NTN1: variants seen among roughly 807,000 people sequenced by gnomAD.
NTN1 encodes netrin 1.
A neutral mutation model predicts 54.2 loss-of-function variants in NTN1; 11 were observed. The ratio of observed to expected loss-of-function variants is 0.20; its 90% CI spans 0.13 to 0.34. NTN1 has a LOEUF of 0.34. Ranked by LOEUF, NTN1 falls within the 10% of genes least tolerant of loss-of-function variation. NTN1 has a pLI of 1.00. For missense variants in NTN1, 740 were observed against 893.1 expected, an observed-to-expected ratio of 0.83 and a Z score of 2.18; for synonymous variants, 371 against 382.0, an observed-to-expected ratio of 0.97 and a Z score of 0.33.
In NTN1 at chr17:9,162,794, T is replaced by C. The variant is rs2092361243; in HGVS notation, c.1019-19T>C. On this transcript the variant is annotated intron_variant, in intron 2 of 6. Coordinates refer to ENST00000173229, the MANE Select transcript of NTN1 (RefSeq NM_004822.3). ...CCCGCGCCCCTGCGGCTGACACCTC[T>C]CTCTGTCTCCCCCTGCAGCCTGTAA... 1.9e-6 allele frequency: 3 copies of C among 1,593,444 alleles called. No individual in the cohort carries two copies. The highest frequency in any genetic ancestry group is 2.6e-6 in the Non-Finnish European group (3 of 1,164,206).
intron 6 of NTN1, among the ~76,000 whole-genome samples, chr17:9,235,670 G>A (rs909035608): frequency 6.6e-6 from 1 of 152,036 alleles, no homozygotes; most frequent in Admixed American, 6.5e-5. Flanking sequence ...CAGAAATGCT[G>A]CCTTCTTGCT....
intron 2 of NTN1, among the ~76,000 whole-genome samples, chr17:9,149,229 C>T (rs1042876538): frequency 4.7e-5 from 7 of 149,622 alleles, no homozygotes; most frequent in Non-Finnish European, 1.0e-4. Context: ...TGCACCACCT[C>T]TAGGGAAAAG....
At chr17:9,125,708 C>T (rs1020020873) in intron 2 of NTN1, among the ~76,000 whole-genome samples, 4 of 152,040 alleles carry the variant, frequency 2.6e-5, no homozygotes, top group Admixed American at 2.6e-4. Context: ...TGGGCTGAAG[C>T]AATCCCTCCA....
At chr17:9,120,051 C>T (rs551725430) in intron 2 of NTN1, among the ~76,000 whole-genome samples, 3 of 152,008 alleles carry the variant, frequency 2.0e-5, no homozygotes, top group Non-Finnish European at 2.9e-5. Flanking sequence ...GAGACCGAGG[C>T]GGGTGGATCA....
At chr17:9,107,552 G>T (rs531375608) in intron 2 of NTN1, among the ~76,000 whole-genome samples, 10 of 152,364 alleles carry the variant, frequency 6.6e-5, no homozygotes, top group Non-Finnish European at 1.2e-4. Context: ...CTGGAAATGG[G>T]ATGTGGAAGC....
intron 2 of NTN1, among the ~76,000 whole-genome samples, chr17:9,093,922 C>T (rs774317156): frequency 7.9e-5 from 12 of 152,090 alleles, no homozygotes; most frequent in Non-Finnish European, 1.0e-4. Flanking sequence ...TGCAGTGAGA[C>T]GAGATTGTGG....
At chr17:9,121,307 C>T (rs928968305) in intron 2 of NTN1, among the ~76,000 whole-genome samples, 5 of 152,132 alleles carry the variant, frequency 3.3e-5, no homozygotes, top group South Asian at 2.1e-4. Flanking sequence ...AGCACGTCCC[C>T]GGCCGCTCCC....
At chr17:9,114,164 A>ATATATATATATATATAT (rs1404097905) in intron 2 of NTN1, among the ~76,000 whole-genome samples, 18 of 80,478 alleles carry the variant, frequency 2.2e-4, no homozygotes, top group South Asian at 7.9e-4. Context: ...AAAAAAAAAA[A>ATATATATATATATATAT]AAATATATAT....
intron 2 of NTN1, among the ~76,000 whole-genome samples, chr17:9,124,561 C>T (rs1166814797): frequency 1.3e-5 from 2 of 152,178 alleles, no homozygotes; most frequent in East Asian, 1.9e-4. Flanking sequence ...ACAGTGATGA[C>T]GATGATGACA....
At chr17:9,192,645 G>C (rs1390195586) in intron 5 of NTN1, among the ~76,000 whole-genome samples, 1 of 152,124 alleles carries the variant, frequency 6.6e-6, no homozygotes, top group Non-Finnish European at 1.5e-5. Context: ...GGTGCCAAGG[G>C]TGAGAACTCC....
intron 6 of NTN1, among the ~76,000 whole-genome samples, chr17:9,223,743 C>T (rs1204945286): frequency 6.6e-6 from 1 of 152,162 alleles, no homozygotes; most frequent in Non-Finnish European, 1.5e-5. Flanking sequence ...TTGTAGCTTT[C>T]CTAGGCTTTG....
In NTN1 at chr17:9,241,406, T is replaced by C. The variant is rs1906209430; in HGVS notation, c.*1438T>C. On this transcript the variant is annotated 3_prime_UTR_variant, in exon 7 of 7. Coordinates refer to ENST00000173229, the MANE Select transcript of NTN1 (RefSeq NM_004822.3). ...CTCAAGCAGGCAGCCCCTTTTGTTC[T>C]GACCTCCTCACACAGGGTCCATTCC... 1 of 152,768 alleles carries C rather than the reference T, an allele frequency of 6.5e-6. No homozygotes were observed. Among genetic ancestry groups the C allele is most frequent in the Admixed American group, 6.5e-5 (1 of 15,292 alleles). 9.5% of individuals were successfully genotyped at this position (152,768 alleles called of 1,614,324 possible). A position where few individuals can be genotyped will look rare whatever the true frequency, so the allele number is the denominator to read the frequency against.
At chr17:9,056,657 T>C (rs2091980371) in intron 2 of NTN1, among the ~76,000 whole-genome samples, 1 of 151,906 alleles carries the variant, frequency 6.6e-6, no homozygotes, top group Non-Finnish European at 1.5e-5. Flanking sequence ...CTGGGGTAGT[T>C]TGGGGCCGAG....
chr17:9,051,527 A>G (rs973088018), intron 2 of NTN1, among the ~76,000 whole-genome samples: 4 of 152,182 alleles, frequency 2.6e-5, no homozygotes, highest in Non-Finnish European at 4.4e-5. Context: ...AGTTTTCTTA[A>G]TGGATTATTT....
At chr17:9,234,045 G>A (rs987502290) in intron 6 of NTN1, among the ~76,000 whole-genome samples, 3 of 152,172 alleles carry the variant, frequency 2.0e-5, no homozygotes, top group African/African-American at 7.2e-5. Context: ...GTTGACTCTG[G>A]CCCCCATGGA....
At chr17:9,093,454 C>G (rs2092120204) in intron 2 of NTN1, among the ~76,000 whole-genome samples, 1 of 152,146 alleles carries the variant, frequency 6.6e-6, no homozygotes, top group African/African-American at 2.4e-5. Flanking sequence ...TTTTGACCTA[C>G]CAGACTCAAG....
intron 2 of NTN1, among the ~76,000 whole-genome samples, chr17:9,153,465 CTG>C (rs1448608508): frequency 6.6e-6 from 1 of 152,022 alleles, no homozygotes; most frequent in Non-Finnish European, 1.5e-5. Context: ...AAAAGAAACT[CTG>C]GGGGTTGACT....
chr17:9,127,042 A>G (rs1055417617), intron 2 of NTN1, among the ~76,000 whole-genome samples: 25 of 59,150 alleles, frequency 4.2e-4, no homozygotes, highest in African/African-American at 1.5e-3. Context: ...GGATCAGAGC[A>G]GTGGGCAGGA....
Position 9,169,426 on chromosome 17 carries a change from G to A in NTN1, c.1207+6425G>A, listed in dbSNP as rs77487224. Among the ~76,000 whole-genome samples the A allele has an allele frequency of 9.6e-3, 1,455 of 152,348 alleles. 23 individuals are homozygous for A. Among genetic ancestry groups the A allele is most frequent in the African/African-American group, 0.033 (1,388 of 41,578 alleles). On this transcript the variant is annotated intron_variant, in intron 3 of 6. Transcript: ENST00000173229. ...TCCCTGATCTTGTGACTCGACCCAT[G>A]TGGCGCACTGTGCCAAACGGGGTCT...
Sources: allele counts gnomAD v4.1 joint callset (sites outside exome capture counted in the v4.1 genomes callset), GRCh38; gene constraint gnomAD v4.1.1; transcripts MANE v1.5; gene names NCBI Gene and HGNC (gene_info 2026-07-23, HGNC 2026-07-21).